LRRN2: variants seen among roughly 807,000 people sequenced by gnomAD.
The protein encoded by LRRN2 is leucine rich repeat neuronal 2.
LRRN2 carries 10 observed loss-of-function variants against 35.7 expected under a neutral mutation model. The observed-to-expected ratio is 0.28, with a 90% confidence interval of 0.17 to 0.47. The LOEUF is 0.47. Ranked by LOEUF, LRRN2 falls within the 20% of genes least tolerant of loss-of-function variation. The pLI is 0.99. For synonymous variants in LRRN2, 391 were observed against 409.6 expected (o/e 0.95, Z 0.55); for missense variants, 731 against 940.3 (o/e 0.78, Z 2.91).
intron 1 of LRRN2, among the ~76,000 whole-genome samples, chr1:204,671,714 T>C (rs1037972549): frequency 9.7e-6 from 1 of 103,498 alleles, no homozygotes; most frequent in African/African-American, 3.9e-5. Flanking sequence ...GATTAAAGAG[T>C]GGGGGTGTCA....
chr1:204,680,631 C>T (rs535181638), intron 1 of LRRN2, among the ~76,000 whole-genome samples: 1 of 152,342 alleles, frequency 6.6e-6, no homozygotes, highest in South Asian at 2.1e-4. Context: ...GGCTAACCCC[C>T]AGCAGGGATG....
In LRRN2 at chr1:204,617,750, G is replaced by T; in HGVS notation, c.*101C>A. The T allele has an allele frequency of 7.6e-7, 1 of 1,319,916 alleles. No individual in the cohort carries two copies. The highest frequency in any genetic ancestry group is 1.1e-6 in the Non-Finnish European group (1 of 929,946). 81.8% of individuals were successfully genotyped at this position (1,319,916 alleles called of 1,614,324 possible). ...CCAGCTGCCAGGCCTCAAGCACGTGGGTCCATGTCCCTTTCCTGGCAGGGC... is the reference window on the plus strand; with the variant it reads ...CCAGCTGCCAGGCCTCAAGCACGTGTGTCCATGTCCCTTTCCTGGCAGGGC... On this transcript the variant is annotated 3_prime_UTR_variant, in exon 2 of 2. Coordinates refer to ENST00000367177, the MANE Select transcript of LRRN2 (RefSeq NM_201630.2).
At chr1:204,625,178 G>C (rs937029439) in intron 1 of LRRN2, among the ~76,000 whole-genome samples, 9 of 152,206 alleles carry the variant, frequency 5.9e-5, no homozygotes, top group African/African-American at 2.2e-4. Flanking sequence ...GCTGTTTGCT[G>C]TGTGACCTTG....
At position 204,620,176 on chromosome 1, in the gene LRRN2, G is replaced by T; in HGVS notation, c.-184C>A. On this transcript the variant is annotated 5_prime_UTR_variant, in exon 2 of 2. Transcript: ENST00000367177. Reference sequence around the variant, plus strand: ...TGCCTTCTCTTCCTTGTCCTCTGGGGCTGGGCCTGCTCAGTCATTGCCAGG... The same window carrying T: ...TGCCTTCTCTTCCTTGTCCTCTGGGTCTGGGCCTGCTCAGTCATTGCCAGG... 1 of 1,448,834 alleles carries T rather than the reference G, an allele frequency of 6.9e-7. No homozygotes were observed. The highest frequency in any genetic ancestry group is 1.5e-5 in the South Asian group (1 of 66,900). 89.7% of individuals were successfully genotyped at this position (1,448,834 alleles called of 1,614,324 possible). A position where few individuals can be genotyped will look rare whatever the true frequency, so the allele number is the denominator to read the frequency against.
At position 204,618,892 on chromosome 1, in the gene LRRN2, G is replaced by A. The variant is rs146853945; in HGVS notation, c.1101C>T (p.His367=). The A allele has an allele frequency of 6.2e-4, 1,001 of 1,614,166 alleles. 1 individual carries two copies. Among genetic ancestry groups the A allele is most frequent in the Non-Finnish European group, 7.6e-4 (894 of 1,180,042 alleles). Residue 367 remains histidine (H), a synonymous_variant, in exon 2 of 2, where the codon CAC becomes CAT. Coordinates refer to ENST00000367177, the MANE Select transcript of LRRN2 (RefSeq NM_201630.2). ...CACAGTCACAGCGGATGGGGTTGCCGTGGAGACCTACCTCCTGCAGGTTGG... is the reference window on the plus strand; with the variant it reads ...CACAGTCACAGCGGATGGGGTTGCCATGGAGACCTACCTCCTGCAGGTTGG... ...SLPNLQEVGL[H]GNPIRCDCVI...
chr1:204,676,570 G>A lies in LRRN2; in HGVS notation c.-227+8750C>T, dbSNP rs539635684. 2.5e-4 allele frequency among the ~76,000 whole-genome samples: 38 copies of A among 152,196 alleles called. No individual in the cohort carries two copies. In the East Asian group the frequency reaches 6.8e-3, roughly 27 times the overall value. The stretch of plus-strand genomic sequence containing the variant: ...CCCAGTGGGGCTCAATAACTTCTAT[G>A]AGCAAGGTGCCCTGGGCATTAATCA... On this transcript the variant is annotated intron_variant, in intron 1 of 1. Coordinates refer to ENST00000367177, the MANE Select transcript of LRRN2 (RefSeq NM_201630.2).
At chr1:204,685,017 C>G (rs867172964) in intron 1 of LRRN2, among the ~76,000 whole-genome samples, 16 of 152,336 alleles carry the variant, frequency 1.1e-4, no homozygotes, top group African/African-American at 3.8e-4. Flanking sequence ...AAGGCCCAGG[C>G]GCCCTCTCCC....
chr1:204,654,751 A>G (rs1030966046), intron 1 of LRRN2, among the ~76,000 whole-genome samples: 3 of 152,342 alleles, frequency 2.0e-5, no homozygotes, highest in Middle Eastern at 3.4e-3. Flanking sequence ...GCGTGCTGGA[A>G]CCAGCTTGCC....
At chr1:204,647,460 A>G (rs1033691414) in intron 1 of LRRN2, among the ~76,000 whole-genome samples, 2 of 152,196 alleles carry the variant, frequency 1.3e-5, no homozygotes, top group Admixed American at 1.3e-4. Context: ...TAGAACTTGA[A>G]TGTAAATGAG....
At chr1:204,663,385 A>C (rs1225425252) in intron 1 of LRRN2, among the ~76,000 whole-genome samples, 1 of 152,202 alleles carries the variant, frequency 6.6e-6, no homozygotes, top group Admixed American at 6.5e-5. Context: ...TGAGGAGTAC[A>C]CTGAGTAGGG....
chr1:204,619,646 A>G lies in LRRN2; in HGVS notation c.347T>C (p.Leu116Pro). 1 of 1,614,190 alleles carries G rather than the reference A, an allele frequency of 6.2e-7. No individual in the cohort carries two copies. The highest frequency in any genetic ancestry group is 8.5e-7 in the Non-Finnish European group (1 of 1,180,046). ...SDARDCDFHA[L>P]PQLLSLHLEE... ...TAGGTGCAGGCTCAGCAGCTGGGGCAGGGCATGGAAATCACAGTCTCGGGC... is the reference window on the plus strand; with the variant it reads ...TAGGTGCAGGCTCAGCAGCTGGGGCGGGGCATGGAAATCACAGTCTCGGGC... Residue 116 changes from leucine (L) to proline (P), a missense_variant, in exon 2 of 2, where the codon CTG becomes CCG. Transcript: ENST00000367177.
intron 1 of LRRN2, among the ~76,000 whole-genome samples, chr1:204,669,178 T>C (rs1023317128): frequency 6.6e-6 from 1 of 152,220 alleles, no homozygotes; most frequent in East Asian, 1.9e-4. Flanking sequence ...GAAAAATCTA[T>C]TGGTGAGGAG....
intron 1 of LRRN2, among the ~76,000 whole-genome samples, chr1:204,644,148 G>C (rs1668048438): frequency 6.6e-6 from 1 of 151,984 alleles, no homozygotes; most frequent in African/African-American, 2.4e-5. Flanking sequence ...AGGTCCTGGG[G>C]GGAACAGCTG....
intron 1 of LRRN2, among the ~76,000 whole-genome samples, chr1:204,660,721 T>A (rs1426885482): frequency 6.6e-6 from 1 of 152,210 alleles, no homozygotes; most frequent in African/African-American, 2.4e-5. Context: ...GAGGCCTAAA[T>A]AAGTTGCACA....
At position 204,619,720 on chromosome 1, in the gene LRRN2, G is replaced by A. The variant is rs144968701; in HGVS notation, c.273C>T (p.Tyr91=). 461 of 1,614,032 alleles carry A rather than the reference G, an allele frequency of 2.9e-4. No homozygotes were observed. The highest frequency in any genetic ancestry group is 3.8e-4 in the Non-Finnish European group (447 of 1,179,994). The change falls in exon 2 of 2, where the codon TAC becomes TAT. Residue 91 remains tyrosine, a synonymous_variant. Coordinates refer to ENST00000367177, the MANE Select transcript of LRRN2 (RefSeq NM_201630.2). ...IVRVDQSELG[Y]LANLTELDLS... The stretch of plus-strand genomic sequence containing the variant: ...GGTCCAGCTCTGTGAGATTGGCCAG[G>A]TAGCCCAGCTCACTCTGGTCCACAC...
In LRRN2 at chr1:204,619,731, C is replaced by T; in HGVS notation, c.262G>A (p.Glu88Lys). The T allele has an allele frequency of 1.2e-6, 2 of 1,614,230 alleles. No homozygotes were observed. Among genetic ancestry groups the T allele is most frequent in the Non-Finnish European group, 1.7e-6 (2 of 1,180,014 alleles). The change falls in exon 2 of 2, where the codon GAG (glutamate) becomes AAG (lysine). Residue 88 changes from glutamate to lysine, a missense_variant. By Grantham distance (56) the Glu-to-Lys change is moderately conservative. Coordinates refer to ENST00000367177, the MANE Select transcript of LRRN2 (RefSeq NM_201630.2). ...SNSIVRVDQS[E>K]LGYLANLTEL... ...GTGAGATTGGCCAGGTAGCCCAGCTCACTCTGGTCCACACGGACAATGCTG... is the reference window on the plus strand; with the variant it reads ...GTGAGATTGGCCAGGTAGCCCAGCTTACTCTGGTCCACACGGACAATGCTG...
chr1:204,639,269 A>G (rs1177211022), intron 1 of LRRN2, among the ~76,000 whole-genome samples: 1 of 152,238 alleles, frequency 6.6e-6, no homozygotes, highest in African/African-American at 2.4e-5. Flanking sequence ...ACAGAGATGA[A>G]TAAGACAAGG....
chr1:204,664,302 C>G (rs967008931), intron 1 of LRRN2: 1 of 152,634 alleles, frequency 6.6e-6, no homozygotes, highest in African/African-American at 2.4e-5. Context: ...TATTCCTCCT[C>G]TGCAGCTGCC....
Position 204,682,966 on chromosome 1 carries a change from T to G in LRRN2, c.-227+2354A>C, listed in dbSNP as rs181360229. The G allele has an allele frequency of 3.0e-4, 45 of 152,356 alleles. 2 individuals are homozygous for G. The highest frequency in any genetic ancestry group is 2.7e-3 in the Admixed American group (41 of 15,292). The allele number at this position is 152,356 out of a possible 1,614,324, so 9.4% of individuals were successfully genotyped here. On this transcript the variant is annotated intron_variant, in intron 1 of 1. Coordinates refer to ENST00000367177, the MANE Select transcript of LRRN2 (RefSeq NM_201630.2). ...ATACAAGTGTGGTCAGCTTGAGACA[T>G]GGAGGTTTGTTTACCGCTGTATCTT...
Sources: allele counts gnomAD v4.1 joint callset (sites outside exome capture counted in the v4.1 genomes callset), GRCh38; gene constraint gnomAD v4.1.1; transcripts MANE v1.5; gene names NCBI Gene and HGNC (gene_info 2026-07-23, HGNC 2026-07-21).